ADGRL3: variants seen among roughly 807,000 people sequenced by gnomAD.
ADGRL3 encodes adhesion G protein-coupled receptor L3.
Under a neutral mutation model 153.5 loss-of-function variants are expected in ADGRL3, and 62 were observed. The observed-to-expected ratio is 0.40, with a 90% CI of 0.33 to 0.50. The LOEUF is 0.50. Ranked by LOEUF, ADGRL3 falls within the 20% of genes least tolerant of loss-of-function variation. The pLI is 0.47. For synonymous variants in ADGRL3, 710 were observed against 672.5 expected (o/e 1.06, Z -0.86); for missense variants, 1,641 against 1,859.4 (o/e 0.88, Z 2.16).
intron 9 of ADGRL3, among the ~76,000 whole-genome samples, chr4:61,885,303 G>A (rs1026837983): frequency 6.6e-6 from 1 of 151,894 alleles, no homozygotes; most frequent in African/African-American, 2.4e-5. Context: ...ATTCCAGCCT[G>A]GGCAACAAGA....
chr4:61,862,436 T>C (rs748875092), intron 9 of ADGRL3, among the ~76,000 whole-genome samples: 257 of 152,316 alleles, frequency 1.7e-3, no homozygotes, highest in Non-Finnish European at 3.2e-3. Context: ...CTCGAGTTGT[T>C]TGTTGGCATT....
intron 4 of ADGRL3, among the ~76,000 whole-genome samples, chr4:61,563,885 G>A (rs1330735186): frequency 6.6e-6 from 1 of 152,072 alleles, no homozygotes; most frequent in East Asian, 1.9e-4. Flanking sequence ...GTGCGCGCCT[G>A]TGATCCCAGC....
At chr4:61,950,665 G>T (rs2098943602) in intron 17 of ADGRL3, among the ~76,000 whole-genome samples, 1 of 152,150 alleles carries the variant, frequency 6.6e-6, no homozygotes, top group Non-Finnish European at 1.5e-5. Context: ...ACAAAAAGAG[G>T]GTTGGAGATT....
chr4:61,442,839 A>G (rs965381315), intron 2 of ADGRL3, among the ~76,000 whole-genome samples: 5 of 152,142 alleles, frequency 3.3e-5, no homozygotes, highest in Non-Finnish European at 7.4e-5. Flanking sequence ...GTATAACCAT[A>G]TATTTTTTAT....
intron 5 of ADGRL3, among the ~76,000 whole-genome samples, chr4:61,641,119 A>G (rs1482608888): frequency 6.6e-6 from 1 of 152,100 alleles, no homozygotes; most frequent in Non-Finnish European, 1.5e-5. Context: ...TGCTAACCTT[A>G]TTTCACCTAT....
At chr4:62,066,722 G>C (rs537679563) in intron 25 of ADGRL3, among the ~76,000 whole-genome samples, 2 of 152,114 alleles carry the variant, frequency 1.3e-5, no homozygotes, top group South Asian at 4.1e-4. Flanking sequence ...ATATAGTGAA[G>C]AATATATTAT....
chr4:61,895,638 A>G (rs1354672431), intron 10 of ADGRL3, 93 bp from the exon 11 acceptor site: 8 of 646,396 alleles, frequency 1.2e-5, no homozygotes, highest in Non-Finnish European at 1.9e-5. Flanking sequence ...CAATTTAATT[A>G]TCTCATTTTT....
At chr4:61,399,546 T>G (rs2096906151) in intron 2 of ADGRL3, among the ~76,000 whole-genome samples, 1 of 151,568 alleles carries the variant, frequency 6.6e-6, no homozygotes, top group Non-Finnish European at 1.5e-5. Flanking sequence ...GTAATTAGGT[T>G]TGTAAATAAA....
chr4:61,806,592 C>T (rs1441237585), intron 8 of ADGRL3, among the ~76,000 whole-genome samples: 2 of 151,778 alleles, frequency 1.3e-5, no homozygotes, highest in African/African-American at 2.4e-5. Flanking sequence ...GAGTATAGAG[C>T]CAATTTCATC....
At chr4:61,589,235 T>G (rs540049856) in intron 5 of ADGRL3, among the ~76,000 whole-genome samples, 1 of 152,184 alleles carries the variant, frequency 6.6e-6, no homozygotes, top group African/African-American at 2.4e-5. Context: ...TGAAATAACT[T>G]TGGTTAATTC....
chr4:61,701,557 C>A (rs1398727733), intron 6 of ADGRL3, among the ~76,000 whole-genome samples: 2 of 150,962 alleles, frequency 1.3e-5, no homozygotes, highest in Non-Finnish European at 2.9e-5. Flanking sequence ...GCCTCAGCCT[C>A]CCAAGTAGCT....
intron 9 of ADGRL3, among the ~76,000 whole-genome samples, chr4:61,861,504 G>T (rs546296776): frequency 6.6e-6 from 1 of 152,004 alleles, no homozygotes. Flanking sequence ...AGCCAAAATA[G>T]ATACAAAGAT....
chr4:61,616,235 C>A (rs2091988188), intron 5 of ADGRL3, among the ~76,000 whole-genome samples: 1 of 151,990 alleles, frequency 6.6e-6, no homozygotes, highest in Admixed American at 6.5e-5. Flanking sequence ...GGAACTATAA[C>A]AGTATTAGAA....
chr4:62,039,247 CTGAT>C (rs1277555215), intron 24 of ADGRL3, among the ~76,000 whole-genome samples: 1 of 151,976 alleles, frequency 6.6e-6, no homozygotes, highest in Non-Finnish European at 1.5e-5. Context: ...TTTAATATAT[CTGAT>C]TGTCTCAAAC....
At chr4:61,241,592 A>C (rs1008035255) in intron 1 of ADGRL3, among the ~76,000 whole-genome samples, 1 of 152,080 alleles carries the variant, frequency 6.6e-6, no homozygotes, top group Non-Finnish European at 1.5e-5. Context: ...ACTTAGAAAC[A>C]AAATGTGCAG....
chr4:61,230,455 AAGG>A (rs1750122646), intron 1 of ADGRL3, among the ~76,000 whole-genome samples: 1 of 152,194 alleles, frequency 6.6e-6, no homozygotes, highest in South Asian at 2.1e-4. Flanking sequence ...AAGAAATTGT[AAGG>A]AGAGAAGGAT....
intron 25 of ADGRL3, among the ~76,000 whole-genome samples, chr4:62,054,299 T>C (rs1183700324): frequency 6.6e-6 from 1 of 151,594 alleles, no homozygotes; most frequent in African/African-American, 2.4e-5. Flanking sequence ...GCTTTAGAGA[T>C]TAATAAATTA....
intron 1 of ADGRL3, among the ~76,000 whole-genome samples, chr4:61,216,397 T>A (rs1193619666): frequency 1.3e-5 from 2 of 152,124 alleles, no homozygotes; most frequent in East Asian, 1.9e-4. Flanking sequence ...TAAATACTTT[T>A]GAGATTCAGA....
intron 2 of ADGRL3, among the ~76,000 whole-genome samples, chr4:61,389,973 A>T (rs2096783531): frequency 1.3e-5 from 2 of 152,182 alleles, no homozygotes; most frequent in South Asian, 4.1e-4. Context: ...TATACAAAAC[A>T]ACAATAATAC....
Sources: allele counts gnomAD v4.1 joint callset (sites outside exome capture counted in the v4.1 genomes callset), GRCh38; gene constraint gnomAD v4.1.1; transcripts MANE v1.5; gene names NCBI Gene and HGNC (gene_info 2026-07-23, HGNC 2026-07-21).